Variants in DUSP29 observed in about 807,000 individuals in gnomAD.
The protein encoded by DUSP29 is atypical dual-specific protein phosphatase.
In DUSP29, 12 loss-of-function variants were observed where a neutral mutation model predicts 13.5. That is an observed-to-expected ratio of 0.89 (90% CI 0.57 to 1.44). The LOEUF (loss-of-function observed/expected upper bound fraction) is 1.44, where lower values mean the gene tolerates loss of function less well. Among genes scored for constraint, DUSP29 ranks in the 40% most tolerant of loss-of-function variants. The pLI is 0.00. For synonymous variants in DUSP29, 134 were observed against 128.7 expected, an observed-to-expected ratio of 1.04 and a Z score of -0.28; for missense variants, 308 against 301.1, an observed-to-expected ratio of 1.02 and a Z score of -0.17.
intron 2 of DUSP29, among the ~76,000 whole-genome samples, chr10:75,052,301 T>C (rs1045845298): frequency 9.1e-6 from 1 of 109,496 alleles, no homozygotes; most frequent in African/African-American, 4.2e-5. Flanking sequence ...ATTTGTCTAC[T>C]TTTTTTTTTT....
rs114536823 is a variant in DUSP29, at chr10:75,041,779, C to T, written c.421+2018G>A. Among the ~76,000 whole-genome samples, 1,401 of 152,254 alleles carry T rather than the reference C, an allele frequency of 9.2e-3. 30 individuals carry two copies. Among genetic ancestry groups the T allele is most frequent in the African/African-American group, 0.032 (1,323 of 41,546 alleles). ...TCTGATCCAAGTATCTACTCTCCTCCGTTGGCCCTTTGTTTGCTAGGTGCC... is the reference window on the plus strand; with the variant it reads ...TCTGATCCAAGTATCTACTCTCCTCTGTTGGCCCTTTGTTTGCTAGGTGCC... On this transcript the variant is annotated intron_variant, in intron 3 of 3. Coordinates refer to ENST00000338487, the MANE Select transcript of DUSP29 (RefSeq NM_001003892.3).
At chr10:75,048,395 T>C (rs1846748185) in intron 2 of DUSP29, among the ~76,000 whole-genome samples, 1 of 149,874 alleles carries the variant, frequency 6.7e-6, no homozygotes, top group South Asian at 2.3e-4. Context: ...TTACTTTTTT[T>C]TTCTTTTTTT....
intron 2 of DUSP29, among the ~76,000 whole-genome samples, chr10:75,057,824 C>T (rs1389305844): frequency 6.6e-6 from 1 of 152,166 alleles, no homozygotes; most frequent in Non-Finnish European, 1.5e-5. Context: ...TTATAGCTAG[C>T]TAAAATAAAA....
intron 2 of DUSP29, among the ~76,000 whole-genome samples, chr10:75,045,267 G>A (rs1846682050): frequency 1.3e-5 from 2 of 152,204 alleles, no homozygotes; most frequent in African/African-American, 2.4e-5. Flanking sequence ...CTACTTGGGA[G>A]GCTGAGGCAC....
At chr10:75,056,533 G>A (rs1378004160) in intron 2 of DUSP29, among the ~76,000 whole-genome samples, 5 of 151,798 alleles carry the variant, frequency 3.3e-5, no homozygotes, top group African/African-American at 1.2e-4. Flanking sequence ...TGGGCGTGGT[G>A]GCGCATGCCT....
intron 1 of DUSP29, among the ~76,000 whole-genome samples, chr10:75,067,678 T>A (rs1168478006): frequency 6.6e-6 from 1 of 151,796 alleles, no homozygotes; most frequent in Non-Finnish European, 1.5e-5. Context: ...GCCAGGGAGG[T>A]CTCTGCCTTC....
chr10:75,067,073 T>A (rs902572528), intron 1 of DUSP29, among the ~76,000 whole-genome samples: 5 of 150,664 alleles, frequency 3.3e-5, no homozygotes, highest in Admixed American at 2.7e-4. Context: ...TTCTCCTGCC[T>A]CAGCCTCTCC....
Position 75,051,630 on chromosome 10 carries a change from G to C in DUSP29, c.200+6685C>G, listed in dbSNP as rs144925387. On this transcript the variant is annotated intron_variant, in intron 2 of 3. Coordinates refer to ENST00000338487, the MANE Select transcript of DUSP29 (RefSeq NM_001003892.3). ...TCCCAGGACATCCATCCTTACTCCT[G>C]GGTCCTGACCTCCTTCACTTCCAGA... 4.0e-3 allele frequency among the ~76,000 whole-genome samples: 616 copies of C among 152,298 alleles called. 3 individuals carry two copies. Among genetic ancestry groups the C allele is most frequent in the African/African-American group, 0.014 (579 of 41,564 alleles).
intron 2 of DUSP29, 44 bp downstream of exon 2, chr10:75,058,271 G>GC: frequency 6.3e-7 from 1 of 1,584,612 alleles, no homozygotes; most frequent in Non-Finnish European, 8.6e-7. Flanking sequence ...GCCTGGGGAG[G>GC]GGCTGCTGCC....
At chr10:75,053,494 T>C (rs1846890222) in intron 2 of DUSP29, among the ~76,000 whole-genome samples, 2 of 152,246 alleles carry the variant, frequency 1.3e-5, no homozygotes. Context: ...AGTCCCATTA[T>C]TGTTGCCACA....
At chr10:75,060,347 G>A (rs34428158) in intron 1 of DUSP29, among the ~76,000 whole-genome samples, 109 of 152,042 alleles carry the variant, frequency 7.2e-4, no homozygotes, top group Non-Finnish European at 7.9e-4. Context: ...GTGCATGCCT[G>A]TAGTCCCAGC....
At chr10:75,063,939 G>A (rs1564645881) in intron 1 of DUSP29, among the ~76,000 whole-genome samples, 2 of 152,142 alleles carry the variant, frequency 1.3e-5, no homozygotes, top group South Asian at 4.1e-4. Flanking sequence ...GCAAGAGGCC[G>A]AGCAGTACTT....
Position 75,043,983 on chromosome 10 carries a change from C to T in DUSP29, c.235G>A (p.Ala79Thr), listed in dbSNP as rs749992376. ...TALDRYRLQK[A>T]GFTHVLNAAH... ...GCGTTCAGCACGTGCGTGAACCCCG[C>T]CTTCTGCAGCCTATAGCGGTCCAGC... Residue 79 changes from alanine to threonine, a missense_variant, in exon 3 of 4, where the codon GCG becomes ACG. Ala to Thr is a moderately conservative substitution (Grantham distance 58). Transcript: ENST00000338487. The T allele has an allele frequency of 3.9e-5, 63 of 1,612,446 alleles. No homozygotes were observed. The highest frequency in any genetic ancestry group is 5.0e-5 in the Non-Finnish European group (59 of 1,179,924).
chr10:75,055,948 C>T (rs944229657), intron 2 of DUSP29, among the ~76,000 whole-genome samples: 3 of 152,092 alleles, frequency 2.0e-5, no homozygotes, highest in African/African-American at 7.2e-5. Context: ...GTTGCTCTAT[C>T]CCTCAGGCTA....
chr10:75,041,693 T>A (rs749598799), intron 3 of DUSP29, among the ~76,000 whole-genome samples: 2 of 152,154 alleles, frequency 1.3e-5, no homozygotes, highest in Non-Finnish European at 2.9e-5. Flanking sequence ...CTGCTCCCCA[T>A]CCCTAGCCAT....
At chr10:75,069,336 C>T (rs191639171) in intron 1 of DUSP29, among the ~76,000 whole-genome samples, 1 of 152,296 alleles carries the variant, frequency 6.6e-6, no homozygotes, top group East Asian at 1.9e-4. Flanking sequence ...AGACCCAGAC[C>T]ATGATGTCTG....
chr10:75,058,350 G>T lies in DUSP29; in HGVS notation c.165C>A (p.Val55=), dbSNP rs767933255. 4 of 1,614,170 alleles carry T rather than the reference G, an allele frequency of 2.5e-6. No homozygotes were observed. Among genetic ancestry groups the T allele is most frequent in the Non-Finnish European group, 3.4e-6 (4 of 1,180,026 alleles). ...FWKGSPQYTH[V]NEVWPKLYIG... ...TGTAGAGCTTGGGCCAGACCTCGTT[G>T]ACGTGGGTGTACTGGGGACTGCCCT... Residue 55 remains valine, a synonymous_variant, in exon 2 of 4, where the codon GTC becomes GTA. Transcript: ENST00000338487.
At chr10:75,071,933 G>T (rs1001522471) in intron 1 of DUSP29, among the ~76,000 whole-genome samples, 3 of 152,180 alleles carry the variant, frequency 2.0e-5, no homozygotes, top group Non-Finnish European at 4.4e-5. Flanking sequence ...AGATCACGCC[G>T]ACAGGCACTG....
At chr10:75,049,902 G>C (rs1564641459) in intron 2 of DUSP29, among the ~76,000 whole-genome samples, 1 of 152,202 alleles carries the variant, frequency 6.6e-6, no homozygotes, top group Non-Finnish European at 1.5e-5. Flanking sequence ...GCTTGGGCTG[G>C]GTGGGTGGGG....
Sources: allele counts gnomAD v4.1 joint callset (sites outside exome capture counted in the v4.1 genomes callset), GRCh38; gene constraint gnomAD v4.1.1; transcripts MANE v1.5; gene names NCBI Gene and HGNC (gene_info 2026-07-23, HGNC 2026-07-21).